Variants in PHAX observed in about 807,000 individuals in gnomAD.
PHAX encodes the protein phosphorylated adaptor for RNA export, also known as phosphorylated adapter RNA export protein.
PHAX carries 31 observed loss-of-function variants against 41.6 expected under a neutral mutation model. That is an observed-to-expected ratio of 0.75 (90% confidence interval 0.56 to 1.01). The LOEUF (loss-of-function observed/expected upper bound fraction) is 1.01. Among genes scored for constraint, PHAX ranks in the 50% least tolerant of loss-of-function variants. The probability of loss-of-function intolerance (pLI) is 0.00; values close to 1 mark genes in which losing one functional copy is unlikely to be tolerated. For missense variants in PHAX, 453 were observed against 472.9 expected, an observed-to-expected ratio of 0.96 and a Z score of 0.39; for synonymous variants, 175 against 164.9, an observed-to-expected ratio of 1.06 and a Z score of -0.47.
intron 3 of PHAX, among the ~76,000 whole-genome samples, chr5:126,615,109 CTTT>C (rs34630842): frequency 6.8e-6 from 1 of 146,214 alleles, no homozygotes; most frequent in Non-Finnish European, 1.5e-5. Context: ...CTATACCTTG[CTTT>C]TTTTTTTTAA....
chr5:126,604,092 C>G lies in PHAX; in HGVS notation c.619C>G (p.Leu207Val). Residue 207 changes from leucine (L) to valine (V), a missense_variant, in exon 2 of 5, where the codon CTA becomes GTA. Coordinates refer to ENST00000297540, the MANE Select transcript of PHAX (RefSeq NM_032177.4). The part of the protein sequence containing the change: ...LKRKRPVKDR[L>V]GNRPEMNYKG... ...AAGGAAACGACCTGTCAAAGACAGG[C>G]TAGGGAACAGACCAGAAATGAACTA... is the stretch of plus-strand genomic sequence containing the variant. 1 of 1,612,908 alleles carries G rather than the reference C, an allele frequency of 6.2e-7. No homozygotes were observed. The highest frequency in any genetic ancestry group is 8.5e-7 in the Non-Finnish European group (1 of 1,179,730).
In PHAX at chr5:126,624,623, G is replaced by T; in HGVS notation, c.964G>T (p.Ala322Ser). The T allele has an allele frequency of 1.2e-6, 2 of 1,609,826 alleles. No individual in the cohort carries two copies. Among genetic ancestry groups the T allele is most frequent in the South Asian group, 2.2e-5 (2 of 89,712 alleles). The change falls in exon 5 of 5, where the codon GCT (alanine) becomes TCT (serine). Residue 322 changes from alanine to serine, a missense_variant. Physicochemically the swap from Ala to Ser is moderately conservative, Grantham distance 99. Coordinates refer to ENST00000297540, the MANE Select transcript of PHAX (RefSeq NM_032177.4). ...NQKEYENKKA[A>S]RKRRTQVLGK... ...AAAGGAATATGAAAATAAAAAAGCT[G>T]CTAGGAAGAGGAGAACACAAGTGTT... is the stretch of plus-strand genomic sequence containing the variant.
In PHAX at chr5:126,617,294, C is replaced by T. The variant is rs1327257256; in HGVS notation, c.876C>T (p.Leu292=). 2 of 1,611,456 alleles carry T rather than the reference C, an allele frequency of 1.2e-6. No individual in the cohort carries two copies. The highest frequency in any genetic ancestry group is 4.5e-5 in the East Asian group (2 of 44,814). Reference sequence around the variant, plus strand: ...CACCAGGTGGAGTTTTTCTGAATCTCTTGAAAAACACTCCTAGTATCAGCG... The same window carrying T: ...CACCAGGTGGAGTTTTTCTGAATCTTTTGAAAAACACTCCTAGTATCAGCG... ...RRTPGGVFLN[L]LKNTPSISEE... is the part of the protein sequence containing the mutation. The change falls in exon 4 of 5, where the codon CTC becomes CTT. Residue 292 remains leucine (L), a synonymous_variant. Coordinates refer to ENST00000297540, the MANE Select transcript of PHAX (RefSeq NM_032177.4).
Position 126,624,859 on chromosome 5 carries a change from GT to G in PHAX, c.*18del, listed in dbSNP as rs748063352. 8 of 1,591,088 alleles carry G rather than the reference GT, an allele frequency of 5.0e-6. No individual in the cohort carries two copies. The highest frequency in any genetic ancestry group is 6.8e-6 in the Non-Finnish European group (8 of 1,170,216). On this transcript the variant is annotated 3_prime_UTR_variant, in exon 5 of 5. Coordinates refer to ENST00000297540, the MANE Select transcript of PHAX (RefSeq NM_032177.4). ...ACATCTTTTAAGTACATTTTCAACA[GT>G]TTGAGGACTAAGCCTTTCTAAAATA...
chr5:126,613,263 T>A (rs1752133687), intron 3 of PHAX, among the ~76,000 whole-genome samples: 1 of 151,954 alleles, frequency 6.6e-6, no homozygotes, highest in Non-Finnish European at 1.5e-5. Flanking sequence ...GCAGGAGAAT[T>A]GCTTGAACCT....
intron 2 of PHAX, among the ~76,000 whole-genome samples, chr5:126,607,761 T>C (rs1268830556): frequency 1.3e-5 from 2 of 152,328 alleles, no homozygotes; most frequent in Middle Eastern, 3.4e-3. Flanking sequence ...TTAGGCTACC[T>C]ATGTTTCTAA....
In PHAX at chr5:126,624,818, C is replaced by A. The variant is rs746290048; in HGVS notation, c.1159C>A (p.His387Asn). ...LEAEEAIEVD[H>N]SHDLDIF ...GGCAGAGGAAGCCATTGAAGTTGATCATTCTCATGATTTGGACATCTTTTA... is the reference window on the plus strand; with the variant it reads ...GGCAGAGGAAGCCATTGAAGTTGATAATTCTCATGATTTGGACATCTTTTA... Residue 387 changes from histidine to asparagine, a missense_variant, in exon 5 of 5, where the codon CAT (histidine) becomes AAT (asparagine). Physicochemically the swap from His to Asn is moderately conservative, Grantham distance 68. Transcript: ENST00000297540. 66 of 1,609,392 alleles carry A rather than the reference C, an allele frequency of 4.1e-5. No individual in the cohort carries two copies. Among genetic ancestry groups the A allele is most frequent in the Non-Finnish European group, 5.3e-5 (63 of 1,178,636 alleles).
rs761125079 is a variant in PHAX at position 126,609,095 on chromosome 5, ATTTTTT to A, written c.831+629_831+634del. Among the ~76,000 whole-genome samples, 902 of 101,264 alleles carry A rather than the reference ATTTTTT, an allele frequency of 8.9e-3. 20 individuals carry two copies. The highest frequency in any genetic ancestry group is 0.041 in the African/African-American group (856 of 21,026). The allele number at this position is 101,264 out of a possible 152,430, so 66.4% of individuals were successfully genotyped here. A position where few individuals can be genotyped will look rare whatever the true frequency, so the allele number is the denominator to read the frequency against. On this transcript the variant is annotated intron_variant, in intron 3 of 4. Transcript: ENST00000297540. ...ATGATTTGTTAAAGGTAGGGGTTGAATTTTTTTTTTTTTTTTTTTTTTTGAGAAGGA... is the reference window on the plus strand; with the variant it reads ...ATGATTTGTTAAAGGTAGGGGTTGAATTTTTTTTTTTTTTTTTGAGAAGGA...
chr5:126,626,762 T>C lies in PHAX; in HGVS notation c.*1918T>C, dbSNP rs1461461481. ...AAAAAAAAAAAAAAAATACAAAAAA[T>C]TAGCCGGGCATTGTGGTGCATGCCT... On this transcript the variant is annotated 3_prime_UTR_variant, in exon 5 of 5. Transcript: ENST00000297540. The C allele has an allele frequency of 7.7e-6, 1 of 129,064 alleles. No individual in the cohort carries two copies. Among genetic ancestry groups the C allele is most frequent in the Non-Finnish European group, 1.6e-5 (1 of 63,818 alleles). 8.0% of individuals were successfully genotyped at this position (129,064 alleles called of 1,614,324 possible).
At chr5:126,615,109 C>CTT (rs34630842) in intron 3 of PHAX, among the ~76,000 whole-genome samples, 67 of 146,304 alleles carry the variant, frequency 4.6e-4, no homozygotes, top group African/African-American at 1.6e-3. Context: ...CTATACCTTG[C>CTT]TTTTTTTTTT....
At chr5:126,604,765 G>A in intron 2 of PHAX, among the ~76,000 whole-genome samples, 1 of 152,090 alleles carries the variant, frequency 6.6e-6, no homozygotes, top group Non-Finnish European at 1.5e-5. Flanking sequence ...GCCAGACAGA[G>A]TGGCTCATGC....
At chr5:126,606,222 G>A (rs1471606786) in intron 2 of PHAX, among the ~76,000 whole-genome samples, 1 of 152,138 alleles carries the variant, frequency 6.6e-6, no homozygotes, top group Non-Finnish European at 1.5e-5. Context: ...TTGAGACAGA[G>A]TGTCACTCTG....
At chr5:126,613,265 C>T (rs1696443465) in intron 3 of PHAX, among the ~76,000 whole-genome samples, 1 of 152,000 alleles carries the variant, frequency 6.6e-6, no homozygotes. Flanking sequence ...AGGAGAATTG[C>T]TTGAACCTGG....
intron 4 of PHAX, among the ~76,000 whole-genome samples, chr5:126,620,855 A>T (rs553135807): frequency 6.6e-6 from 1 of 152,006 alleles, no homozygotes; most frequent in East Asian, 1.9e-4. Flanking sequence ...CTCTCACCTC[A>T]GCCTCTCGAG....
At position 126,624,732 on chromosome 5, in the gene PHAX, C is replaced by T. The variant is rs374244095; in HGVS notation, c.1073C>T (p.Thr358Met). ...DTSRETFASD[T>M]NEALASLDES... Reference sequence around the variant, plus strand: ...TCACGAGAAACTTTTGCAAGTGACACGAATGAGGCCTTGGCCTCTCTTGAT... The same window carrying T: ...TCACGAGAAACTTTTGCAAGTGACATGAATGAGGCCTTGGCCTCTCTTGAT... The change falls in exon 5 of 5, where the codon ACG (threonine) becomes ATG (methionine). Residue 358 changes from threonine (T) to methionine (M), a missense_variant. By Grantham distance (81) the Thr-to-Met change is moderately conservative. Coordinates refer to ENST00000297540, the MANE Select transcript of PHAX (RefSeq NM_032177.4). 9.9e-6 allele frequency: 16 copies of T among 1,614,000 alleles called. No homozygotes were observed. The highest frequency in any genetic ancestry group is 2.2e-5 in the East Asian group (1 of 44,882).
intron 2 of PHAX, among the ~76,000 whole-genome samples, chr5:126,605,802 A>G (rs142974523): frequency 1.4e-4 from 22 of 152,360 alleles, no homozygotes; most frequent in African/African-American, 5.0e-4. Flanking sequence ...AATAAAGCAT[A>G]TATTTTTAAA....
At chr5:126,604,567 CTATT>C (rs1219066175) in intron 2 of PHAX, among the ~76,000 whole-genome samples, 13 of 151,718 alleles carry the variant, frequency 8.6e-5, no homozygotes, top group South Asian at 4.1e-4. Flanking sequence ...CTGGCCTAAT[CTATT>C]TATTTATTTA....
chr5:126,611,047 CGTTTGTTTGTTTGTTT>C (rs112686673), intron 3 of PHAX, among the ~76,000 whole-genome samples: 2 of 143,274 alleles, frequency 1.4e-5, no homozygotes, highest in South Asian at 4.5e-4. Context: ...TTTTTCTTTT[CGTTTGTTTGTTTGTTT>C]GTTTGTTTTG....
At position 126,626,580 on chromosome 5, in the gene PHAX, T is replaced by C. The variant is rs1223428864; in HGVS notation, c.*1736T>C. On this transcript the variant is annotated 3_prime_UTR_variant, in exon 5 of 5. Coordinates refer to ENST00000297540, the MANE Select transcript of PHAX (RefSeq NM_032177.4). ...GGTGAAACCCTGTCTCTATTAAAAA[T>C]ACAAAAATTAGCTGGGCGTGGTGGC... is the stretch of plus-strand genomic sequence containing the variant. 1 of 151,696 alleles carries C rather than the reference T, an allele frequency of 6.6e-6. No individual in the cohort carries two copies. Among genetic ancestry groups the C allele is most frequent in the Admixed American group, 6.6e-5 (1 of 15,216 alleles). 9.4% of individuals were successfully genotyped at this position (151,696 alleles called of 1,614,324 possible). A position where few individuals can be genotyped will look rare whatever the true frequency, so the allele number is the denominator to read the frequency against.
Sources: allele counts gnomAD v4.1 joint callset (sites outside exome capture counted in the v4.1 genomes callset), GRCh38; gene constraint gnomAD v4.1.1; transcripts MANE v1.5; gene names NCBI Gene and HGNC (gene_info 2026-07-23, HGNC 2026-07-21).